Variants in UNC13C observed in about 807,000 individuals in gnomAD.
UNC13C encodes the protein protein unc-13 homolog C.
In UNC13C, 174 loss-of-function variants were observed where a neutral mutation model predicts 245.4. The ratio of observed to expected loss-of-function variants is 0.71; its 90% CI spans 0.63 to 0.80. The LOEUF is 0.80. Ranked by LOEUF, UNC13C falls within the 30% of genes least tolerant of loss-of-function variation. The probability of loss-of-function intolerance (pLI) is 0.00; values close to 1 mark genes in which losing one functional copy is unlikely to be tolerated. For missense variants in UNC13C, 2,829 were observed against 2,602.9 expected, an observed-to-expected ratio of 1.09 and a Z score of -1.89; for synonymous variants, 992 against 895.1, an observed-to-expected ratio of 1.11 and a Z score of -1.93.
In UNC13C at chr15:54,508,124, TCAAA is replaced by T. The variant is rs535153325; in HGVS notation, c.5379+934_5379+937del. 5.2e-4 allele frequency among the ~76,000 whole-genome samples: 79 copies of T among 151,974 alleles called. 3 individuals carry two copies. The South Asian group carries it at 0.013, about 25-fold the overall frequency. On this transcript the variant is annotated intron_variant, in intron 23 of 32. Transcript: ENST00000260323. Reference sequence around the variant, plus strand: ...AATTTTATTAGAACTTTTTGACAACTCAAACAATTATTTCTTATTGCTATTGATT... The same window carrying T: ...AATTTTATTAGAACTTTTTGACAACTCAATTATTTCTTATTGCTATTGATT...
chr15:54,590,724 C>A (rs1004837569), intron 30 of UNC13C, among the ~76,000 whole-genome samples: 5 of 152,138 alleles, frequency 3.3e-5, no homozygotes, highest in Non-Finnish European at 7.4e-5. Context: ...GGTAGACGAT[C>A]ATATCATCAG....
At chr15:54,050,463 A>T in intron 2 of UNC13C, 1 of 550,824 alleles carries the variant, frequency 1.8e-6, no homozygotes. Context: ...AAGTTGATCT[A>T]AGCATCCAAG....
intron 4 of UNC13C, among the ~76,000 whole-genome samples, chr15:54,151,708 C>T (rs2032524349): frequency 6.6e-6 from 1 of 152,118 alleles, no homozygotes. Context: ...CCAGCATTTA[C>T]ATTCCAGATC....
intron 1 of UNC13C, among the ~76,000 whole-genome samples, chr15:53,990,195 T>TA (rs938175219): frequency 6.6e-6 from 1 of 152,048 alleles, no homozygotes; most frequent in African/African-American, 2.4e-5. Flanking sequence ...TAAAGGACTT[T>TA]AAAAAATATA....
intron 4 of UNC13C, among the ~76,000 whole-genome samples, chr15:54,164,163 G>A (rs954421988): frequency 2.0e-5 from 3 of 151,984 alleles, no homozygotes; most frequent in Non-Finnish European, 2.9e-5. Context: ...AAAGGAAAAA[G>A]GAGAGCTAGC....
chr15:54,212,955 G>A (rs1043341025), intron 4 of UNC13C, among the ~76,000 whole-genome samples: 3 of 152,032 alleles, frequency 2.0e-5, no homozygotes, highest in African/African-American at 7.2e-5. Context: ...ACTATGCTAA[G>A]CACAGTAAGA....
At chr15:54,542,921 C>T (rs1016812436) in intron 26 of UNC13C, among the ~76,000 whole-genome samples, 3 of 152,102 alleles carry the variant, frequency 2.0e-5, no homozygotes, top group Non-Finnish European at 4.4e-5. Context: ...CTCCTGAATA[C>T]AGCACACTGA....
At chr15:53,985,767 C>T (rs1047421456) in intron 1 of UNC13C, among the ~76,000 whole-genome samples, 5 of 152,010 alleles carry the variant, frequency 3.3e-5, no homozygotes, top group South Asian at 4.1e-4. Flanking sequence ...CTCACTGTGG[C>T]GTTTGTCTTC....
intron 17 of UNC13C, among the ~76,000 whole-genome samples, chr15:54,387,610 G>T (rs558678112): frequency 6.6e-6 from 1 of 151,846 alleles, no homozygotes; most frequent in African/African-American, 2.4e-5. Context: ...AATGAGAGAG[G>T]GCCCATTTTT....
intron 17 of UNC13C, among the ~76,000 whole-genome samples, chr15:54,348,344 C>T (rs760924438): frequency 2.0e-5 from 3 of 152,048 alleles, no homozygotes; most frequent in Non-Finnish European, 4.4e-5. Flanking sequence ...ACAGAAGCAC[C>T]CTTTACTTTT....
chr15:54,101,305 C>T (rs1029750965), intron 2 of UNC13C, among the ~76,000 whole-genome samples: 4 of 151,904 alleles, frequency 2.6e-5, no homozygotes, highest in Non-Finnish European at 4.4e-5. Flanking sequence ...TTTTTACTGC[C>T]GCTCTGCTGC....
At chr15:54,174,146 A>G (rs2033523334) in intron 4 of UNC13C, among the ~76,000 whole-genome samples, 1 of 152,098 alleles carries the variant, frequency 6.6e-6, no homozygotes, top group South Asian at 2.1e-4. Context: ...CATGAGGGCA[A>G]TTGGTCGCTA....
chr15:54,616,677 G>A (rs911096790), intron 30 of UNC13C, among the ~76,000 whole-genome samples: 11 of 152,032 alleles, frequency 7.2e-5, no homozygotes, highest in African/African-American at 2.7e-4. Context: ...CTATGAAAGA[G>A]TCAAAAGGTT....
chr15:54,552,595 A>T (rs1210137457), intron 28 of UNC13C, among the ~76,000 whole-genome samples: 1 of 36,972 alleles, frequency 2.7e-5, no homozygotes, highest in Non-Finnish European at 4.8e-5. Flanking sequence ...ATTGTACAAT[A>T]TATAATATAT....
Position 54,047,509 on chromosome 15 carries a change from A to T in UNC13C, c.2983+31623A>T, listed in dbSNP as rs184047934. Reference sequence around the variant, plus strand: ...CCTCATATAAGTGGTATCATAATTGATCTTTTGTGTCTGGCTTATGTCACT... The same window carrying T: ...CCTCATATAAGTGGTATCATAATTGTTCTTTTGTGTCTGGCTTATGTCACT... On this transcript the variant is annotated intron_variant, in intron 2 of 32. Transcript: ENST00000260323. Among the ~76,000 whole-genome samples the T allele has an allele frequency of 9.9e-4, 151 of 152,054 alleles. 1 individual carries two copies. Among genetic ancestry groups the T allele is most frequent in the African/African-American group, 3.4e-3 (142 of 41,496 alleles).
chr15:54,401,607 G>T (rs1355559315), intron 18 of UNC13C, among the ~76,000 whole-genome samples: 1 of 152,186 alleles, frequency 6.6e-6, no homozygotes, highest in Non-Finnish European at 1.5e-5. Context: ...CAGGAACGAA[G>T]ATCGCGTCGA....
intron 13 of UNC13C, among the ~76,000 whole-genome samples, chr15:54,320,414 C>T (rs149691279): frequency 9.7e-4 from 147 of 151,288 alleles, no homozygotes; most frequent in African/African-American, 3.4e-3. Context: ...ACATTTATTC[C>T]GCATCATGAT....
the UNC13C span, among the ~76,000 whole-genome samples, chr15:53,882,669 C>G: frequency 6.6e-6 from 1 of 152,130 alleles, no homozygotes; most frequent in Admixed American, 6.6e-5. Context: ...CATCCCAAAA[C>G]TTTGTCAAAT....
chr15:54,343,423 G>A (rs1175379037), intron 17 of UNC13C, among the ~76,000 whole-genome samples: 2 of 151,822 alleles, frequency 1.3e-5, no homozygotes, highest in Non-Finnish European at 2.9e-5. Flanking sequence ...GTGAGCCACC[G>A]CGCCTGGCCC....
Sources: allele counts gnomAD v4.1 joint callset (sites outside exome capture counted in the v4.1 genomes callset), GRCh38; gene constraint gnomAD v4.1.1; transcripts MANE v1.5; gene names NCBI Gene and HGNC (gene_info 2026-07-23, HGNC 2026-07-21).